CCSER1: variants seen among roughly 807,000 people sequenced by gnomAD.
CCSER1 encodes the protein coiled-coil serine rich protein 1.
In CCSER1, 41 loss-of-function variants were observed where a neutral mutation model predicts 82.0. The observed-to-expected ratio is 0.50, with a 90% CI of 0.39 to 0.65. The LOEUF is 0.65. CCSER1 is among the 30% of genes least tolerant of loss of function. CCSER1 has a pLI of 0.00. For missense variants in CCSER1, 1,119 were observed against 1,064.2 expected, an observed-to-expected ratio of 1.05 and a Z score of -0.72; for synonymous variants, 414 against 383.9, an observed-to-expected ratio of 1.08 and a Z score of -0.92.
intron 10 of CCSER1, among the ~76,000 whole-genome samples, chr4:91,086,902 AT>A (rs1406473014): frequency 2.6e-5 from 4 of 152,086 alleles, no homozygotes. Context: ...AGAAAAATCT[AT>A]TTTTATTTAG....
rs115906759 is a variant in CCSER1 at position 90,532,824 on chromosome 4, T to A, written c.1724+64470T>A. Among the ~76,000 whole-genome samples the A allele has an allele frequency of 6.0e-3, 911 of 152,286 alleles. 3 individuals are homozygous for A. Among genetic ancestry groups the A allele is most frequent in the African/African-American group, 0.015 (605 of 41,562 alleles). Reference sequence around the variant, plus strand: ...CCCACTATGTACAAATAGATCGACTTGTACTTTGAGTAGCTTCCTCCTCTA... The same window carrying A: ...CCCACTATGTACAAATAGATCGACTAGTACTTTGAGTAGCTTCCTCCTCTA... On this transcript the variant is annotated intron_variant, in intron 5 of 10. Coordinates refer to ENST00000509176, the MANE Select transcript of CCSER1 (RefSeq NM_001145065.2).
rs371753778 is a variant in CCSER1, at chr4:91,116,005, C to T, written c.2217+30011C>T. On this transcript the variant is annotated intron_variant, in intron 10 of 10. Coordinates refer to ENST00000509176, the MANE Select transcript of CCSER1 (RefSeq NM_001145065.2). The stretch of plus-strand genomic sequence containing the variant: ...TATCTCCTAATGCTATCCCTCCCCC[C>T]TGTCCCCACCCCACAACAGGCCCTG... Among the ~76,000 whole-genome samples, 626 of 151,936 alleles carry T rather than the reference C, an allele frequency of 4.1e-3. 4 individuals are homozygous for T. The highest frequency in any genetic ancestry group is 0.014 in the African/African-American group (588 of 41,406).
At chr4:90,779,397 C>T (rs11727861) in intron 7 of CCSER1, among the ~76,000 whole-genome samples, 19,397 of 151,868 alleles carry the variant, frequency 0.13, 1,568 homozygotes, top group Non-Finnish European at 0.17. Flanking sequence ...TCTTACATAA[C>T]GCTCATCATA....
intron 8 of CCSER1, among the ~76,000 whole-genome samples, chr4:90,887,814 A>G (rs1397054218): frequency 3.9e-5 from 6 of 152,068 alleles, no homozygotes; most frequent in African/African-American, 1.4e-4. Context: ...TCCGGGAGGC[A>G]GAGGTTGCAG....
chr4:91,173,546 A>G (rs906797035), intron 10 of CCSER1, among the ~76,000 whole-genome samples: 3 of 149,382 alleles, frequency 2.0e-5, no homozygotes, highest in East Asian at 4.0e-4. Flanking sequence ...GTGATCCTAG[A>G]TCATGCCACT....
rs187763729 is a variant in CCSER1 at position 91,586,036 on chromosome 4, G to A, written c.2218-12536G>A. On this transcript the variant is annotated intron_variant, in intron 10 of 10. Coordinates refer to ENST00000509176, the MANE Select transcript of CCSER1 (RefSeq NM_001145065.2). ...GGTGTTGAACTAGAGGGATGGAGGTGGAGAGTAGTGGGCAGAATATAAATA... is the reference window on the plus strand; with the variant it reads ...GGTGTTGAACTAGAGGGATGGAGGTAGAGAGTAGTGGGCAGAATATAAATA... 2.0e-5 allele frequency among the ~76,000 whole-genome samples: 3 copies of A among 151,668 alleles called. No homozygotes were observed. In the East Asian group the frequency reaches 5.8e-4, roughly 29 times the overall value.
intron 7 of CCSER1, among the ~76,000 whole-genome samples, chr4:90,732,561 A>G (rs1037828670): frequency 6.6e-6 from 1 of 152,190 alleles, no homozygotes; most frequent in African/African-American, 2.4e-5. Flanking sequence ...TTGTACAAAT[A>G]TTGTTTGTAC....
chr4:90,874,003 T>C (rs1766886375), intron 8 of CCSER1, among the ~76,000 whole-genome samples: 1 of 152,154 alleles, frequency 6.6e-6, no homozygotes, highest in African/African-American at 2.4e-5. Context: ...GAACCTTTTG[T>C]TCCCTACTCT....
intron 10 of CCSER1, among the ~76,000 whole-genome samples, chr4:91,466,225 T>G (rs1008658748): frequency 2.0e-5 from 3 of 151,982 alleles, no homozygotes; most frequent in African/African-American, 7.2e-5. Flanking sequence ...ACGTAATCCA[T>G]CATATAAACA....
chr4:91,337,635 A>T (rs565513226), intron 10 of CCSER1, among the ~76,000 whole-genome samples: 1 of 152,104 alleles, frequency 6.6e-6, no homozygotes, highest in East Asian at 1.9e-4. Context: ...TCTGGGCCTG[A>T]TTCTGGAATC....
rs192191119 is a variant in CCSER1, at chr4:90,915,743, A to G, written c.2095-7627A>G. On this transcript the variant is annotated intron_variant, in intron 8 of 10. Coordinates refer to ENST00000509176, the MANE Select transcript of CCSER1 (RefSeq NM_001145065.2). The stretch of plus-strand genomic sequence containing the variant: ...TCATCTTGCCCTGTTTGCAGATGAC[A>G]TGATTGTATATCTAGAAAACCCCAT... 4.0e-3 allele frequency among the ~76,000 whole-genome samples: 603 copies of G among 152,220 alleles called. 2 individuals carry two copies. Among genetic ancestry groups the G allele is most frequent in the Admixed American group, 6.5e-3 (99 of 15,296 alleles).
At chr4:90,667,516 C>T (rs1044408583) in intron 6 of CCSER1, among the ~76,000 whole-genome samples, 4 of 152,096 alleles carry the variant, frequency 2.6e-5, no homozygotes, top group African/African-American at 7.2e-5. Flanking sequence ...TGACAGGCCC[C>T]GGTGGGTGAT....
intron 3 of CCSER1, among the ~76,000 whole-genome samples, chr4:90,399,249 A>G (rs1752457874): frequency 6.6e-6 from 1 of 152,082 alleles, no homozygotes; most frequent in Admixed American, 6.5e-5. Flanking sequence ...ATCTCTTCTC[A>G]AGACTTCTCA....
At chr4:91,338,861 A>AAT (rs1201803783) in intron 10 of CCSER1, among the ~76,000 whole-genome samples, 1 of 152,080 alleles carries the variant, frequency 6.6e-6, no homozygotes, top group Admixed American at 6.6e-5. Flanking sequence ...TTTCTCTTTA[A>AAT]ATATATATAT....
At chr4:91,408,638 G>A (rs1277525796) in intron 10 of CCSER1, among the ~76,000 whole-genome samples, 1 of 152,082 alleles carries the variant, frequency 6.6e-6, no homozygotes, top group Non-Finnish European at 1.5e-5. Context: ...TTCTCTTGTT[G>A]TTGTTGGCTT....
chr4:90,734,610 C>T (rs964635084), intron 7 of CCSER1, among the ~76,000 whole-genome samples: 4 of 152,032 alleles, frequency 2.6e-5, no homozygotes, highest in African/African-American at 9.7e-5. Flanking sequence ...GCAATTTTCA[C>T]AATTTTCAAA....
chr4:90,330,174 T>C (rs1274349375), intron 3 of CCSER1, among the ~76,000 whole-genome samples: 1 of 152,216 alleles, frequency 6.6e-6, no homozygotes, highest in African/African-American at 2.4e-5. Flanking sequence ...TGCACTTGTC[T>C]TTCTTCTTTC....
intron 1 of CCSER1, among the ~76,000 whole-genome samples, chr4:90,140,570 C>G (rs180770057): frequency 6.6e-6 from 1 of 151,006 alleles, no homozygotes; most frequent in South Asian, 2.1e-4. Flanking sequence ...TATGTGTGTA[C>G]GTACACATGT....
At chr4:91,052,954 T>C (rs78858535) in intron 9 of CCSER1, among the ~76,000 whole-genome samples, 48 of 152,094 alleles carry the variant, frequency 3.2e-4, no homozygotes, top group African/African-American at 1.1e-3. Context: ...GTGTAGTAAA[T>C]TGGTGGTTGA....
Sources: gnomAD v4.1 joint callset for allele counts (sites outside exome capture counted in the v4.1 genomes callset) on GRCh38, gnomAD v4.1.1 for gene constraint, MANE v1.5 for transcripts, NCBI Gene and HGNC (gene_info 2026-07-23, HGNC 2026-07-21) for gene names.